Variants in PTGER4 observed in about 807,000 individuals in gnomAD.
The protein encoded by PTGER4 is prostaglandin E2 receptor EP4 subtype.
A neutral mutation model predicts 33.2 loss-of-function variants in PTGER4; 11 were observed. That is an observed-to-expected ratio of 0.33 (90% CI 0.21 to 0.55). The LOEUF is 0.55. Ranked by LOEUF, PTGER4 falls within the 20% of genes least tolerant of loss-of-function variation. The pLI, the probability that PTGER4 is intolerant of heterozygous loss-of-function variation, is 0.92. For synonymous variants in PTGER4, 275 were observed against 281.5 expected (o/e 0.98, Z 0.23); for missense variants, 481 against 650.2 (o/e 0.74, Z 2.83).
chr5:40,681,403 G>A lies in PTGER4; in HGVS notation c.410G>A (p.Gly137Asp). Residue 137 changes from glycine (G) to aspartate (D), a missense_variant, in exon 2 of 3, where the codon GGC becomes GAC. Coordinates refer to ENST00000302472, the MANE Select transcript of PTGER4 (RefSeq NM_000958.3). The surrounding 1 kb of genome is among the most constrained non-coding windows in gnomAD (Gnocchi z 9.8). ...CACTACGTGGACAAGCGATTGGCGG[G>A]CCTCACGCTCTTTGCAGTCTATGCG... Reference protein sequence around the residue: ...YSHYVDKRLAGLTLFAVYASN... With the variant: ...YSHYVDKRLADLTLFAVYASN... The A allele has an allele frequency of 6.2e-7, 1 of 1,614,064 alleles. No homozygotes were observed. The highest frequency in any genetic ancestry group is 8.5e-7 in the Non-Finnish European group (1 of 1,180,044).
the PTGER4 span, among the ~76,000 whole-genome samples, chr5:40,739,762 GT>G: frequency 6.6e-6 from 1 of 152,170 alleles, no homozygotes; most frequent in East Asian, 1.9e-4. Flanking sequence ...GTCTCAGGTA[GT>G]TGTTTATAGC....
the PTGER4 span, among the ~76,000 whole-genome samples, chr5:40,713,969 T>C: frequency 6.6e-6 from 1 of 152,226 alleles, no homozygotes; most frequent in Non-Finnish European, 1.5e-5. Flanking sequence ...GCTGCCTTCC[T>C]TCTCCATAAC....
chr5:40,695,095 G>A (rs1741561283), downstream of PTGER4, among the ~76,000 whole-genome samples: 1 of 75,414 alleles, frequency 1.3e-5, no homozygotes. Flanking sequence ...TGTTAGAAAA[G>A]ATAGATTTGC....
chr5:40,683,630 G>A lies in PTGER4; in HGVS notation c.867+1770G>A, dbSNP rs894797871. Among the ~76,000 whole-genome samples, 1 of 152,204 alleles carries A rather than the reference G, an allele frequency of 6.6e-6. No individual in the cohort carries two copies. Among genetic ancestry groups the A allele is most frequent in the Non-Finnish European group, 1.5e-5 (1 of 68,038 alleles). ...CAACATGCACATACTTTATAAATGT[G>A]TTTTGGTTGGAAGTAAGCATGTAAA... On this transcript the variant is annotated intron_variant, in intron 2 of 2. Coordinates refer to ENST00000302472, the MANE Select transcript of PTGER4 (RefSeq NM_000958.3). This position sits in a 1 kb window ranked among gnomAD's most constrained non-coding sequence, Gnocchi z 4.2.
chr5:40,705,512 A>G, the PTGER4 span, among the ~76,000 whole-genome samples: 1 of 152,250 alleles, frequency 6.6e-6, no homozygotes, highest in African/African-American at 2.4e-5. Context: ...GCACAGCAAA[A>G]GAAACTACCA....
downstream of PTGER4, among the ~76,000 whole-genome samples, chr5:40,694,551 T>C (rs1237175011): frequency 6.6e-6 from 1 of 152,200 alleles, no homozygotes; most frequent in Non-Finnish European, 1.5e-5. Context: ...CTCCTTGACT[T>C]GCAGATGGCT....
chr5:40,746,714 A>C, the PTGER4 span: 1 of 1,011,564 alleles, frequency 9.9e-7, no homozygotes, highest in African/African-American at 1.6e-5. Flanking sequence ...GAATTTATCA[A>C]ATTCATAACT....
chr5:40,712,814 C>G, the PTGER4 span, among the ~76,000 whole-genome samples: 1 of 152,130 alleles, frequency 6.6e-6, no homozygotes. Flanking sequence ...AGGAAGCCAT[C>G]CTTACCCGCC....
chr5:40,681,698 G>C lies in PTGER4; in HGVS notation c.705G>C (p.Ser235=). Residue 235 remains serine, a synonymous_variant, in exon 2 of 3, where the codon TCG becomes TCC. Coordinates refer to ENST00000302472, the MANE Select transcript of PTGER4 (RefSeq NM_000958.3). This position sits in a 1 kb window ranked among gnomAD's most constrained non-coding sequence, Gnocchi z 9.8. ...TEQHHAAAAA[S]VASRGHPAAS... is the part of the protein sequence containing the mutation. ...AGCACCACGCGGCCGCGGCCGCCTC[G>C]GTTGCCTCCCGGGGCCACCCCGCTG... The C allele has an allele frequency of 1.3e-6, 2 of 1,579,736 alleles. No homozygotes were observed. The highest frequency in any genetic ancestry group is 8.6e-7 in the Non-Finnish European group (1 of 1,168,172).
chr5:40,686,834 G>T (rs150546738), intron 2 of PTGER4, among the ~76,000 whole-genome samples: 2 of 152,266 alleles, frequency 1.3e-5, no homozygotes, highest in African/African-American at 4.8e-5. Context: ...GGAGGTTGAG[G>T]CTGCAATGAG....
chr5:40,728,574 C>G, the PTGER4 span: 2 of 1,185,570 alleles, frequency 1.7e-6, no homozygotes, highest in Non-Finnish European at 2.3e-6. Context: ...ATTTTTAGTC[C>G]AGTAAAAATA....
At chr5:40,707,723 T>C in the PTGER4 span, among the ~76,000 whole-genome samples, 1 of 152,098 alleles carries the variant, frequency 6.6e-6, no homozygotes, top group Non-Finnish European at 1.5e-5. Flanking sequence ...ATCAACAGAA[T>C]ACACATTATT....
chr5:40,683,424 C>G lies in PTGER4; in HGVS notation c.867+1564C>G, dbSNP rs1327965221. ...ACTTGAGCCACATAAATATATTTTACTGTCTGTAATGGCAACCTAGAATAA... is the reference window on the plus strand; with the variant it reads ...ACTTGAGCCACATAAATATATTTTAGTGTCTGTAATGGCAACCTAGAATAA... On this transcript the variant is annotated intron_variant, in intron 2 of 2. Coordinates refer to ENST00000302472, the MANE Select transcript of PTGER4 (RefSeq NM_000958.3). The surrounding 1 kb of genome is among the most constrained non-coding windows in gnomAD (Gnocchi z 4.2). 6.6e-6 allele frequency among the ~76,000 whole-genome samples: 1 copy of G among 152,208 alleles called. No homozygotes were observed. Among genetic ancestry groups the G allele is most frequent in the African/African-American group, 2.4e-5 (1 of 41,450 alleles).
Position 40,681,848 on chromosome 5 carries a change from C to T in PTGER4, c.855C>T (p.Ser285=), listed in dbSNP as rs747155638. Residue 285 remains serine, a synonymous_variant, in exon 2 of 3, where the codon TCC becomes TCT. Transcript: ENST00000302472. This position sits in a 1 kb window ranked among gnomAD's most constrained non-coding sequence, Gnocchi z 9.8. The part of the protein sequence containing the change: ...IATSLVVLIC[S]IPLVVRVFVN... The stretch of plus-strand genomic sequence containing the variant: ...CCTCCCTGGTGGTGCTCATCTGCTC[C>T]ATCCCGCTCGTGGTGAGTGACCGGG... 2.6e-6 allele frequency: 4 copies of T among 1,526,748 alleles called. No homozygotes were observed. Among genetic ancestry groups the T allele is most frequent in the Non-Finnish European group, 3.5e-6 (4 of 1,141,472 alleles). 94.6% of individuals were successfully genotyped at this position (1,526,748 alleles called of 1,614,324 possible).
chr5:40,700,380 T>C, the PTGER4 span, among the ~76,000 whole-genome samples: 1 of 152,240 alleles, frequency 6.6e-6, no homozygotes, highest in Admixed American at 6.5e-5. Context: ...TCTCTGCCAC[T>C]GCCTCTGCAG....
chr5:40,680,909 T>C lies in PTGER4; in HGVS notation c.-43-42T>C. The stretch of plus-strand genomic sequence containing the variant: ...GGGTCTAACACCTTACAAGTGGTAA[T>C]TTCCGCTCACGGCAGCTTTGTCTCT... On this transcript the variant is annotated intron_variant, in intron 1 of 2. Transcript: ENST00000302472. The surrounding 1 kb of genome is among the most constrained non-coding windows in gnomAD (Gnocchi z 5.5). 3 of 1,506,634 alleles carry C rather than the reference T, an allele frequency of 2.0e-6. No homozygotes were observed. The highest frequency in any genetic ancestry group is 2.3e-5 in the East Asian group (1 of 44,090). The allele number at this position is 1,506,634 out of a possible 1,614,324, so 93.3% of individuals were successfully genotyped here.
chr5:40,702,941 GAA>G, the PTGER4 span, among the ~76,000 whole-genome samples: 1 of 152,156 alleles, frequency 6.6e-6, no homozygotes, highest in East Asian at 1.9e-4. Context: ...AATTAAGGCA[GAA>G]ATCAAGAAGC....
At chr5:40,697,594 C>CAAAAAAAAAAAAA (rs1308596268), downstream of PTGER4, among the ~76,000 whole-genome samples, 1 of 102,598 alleles carries the variant, frequency 9.7e-6, no homozygotes, top group Non-Finnish European at 1.9e-5. Context: ...AAAAAAAAAA[C>CAAAAAAAAAAAAA]AAAAAAACAA....
the PTGER4 span, among the ~76,000 whole-genome samples, chr5:40,711,783 CA>C: frequency 6.7e-6 from 1 of 150,148 alleles, no homozygotes; most frequent in Non-Finnish European, 1.5e-5. Context: ...TCATGTTAAG[CA>C]AAAAAAAAGT....
Sources: gnomAD v4.1 joint callset for allele counts (sites outside exome capture counted in the v4.1 genomes callset) on GRCh38, gnomAD v4.1.1 for gene constraint, Gnocchi (gnomAD v3.1) non-coding constraint, MANE v1.5 for transcripts, NCBI Gene and HGNC (gene_info 2026-07-23, HGNC 2026-07-21) for gene names.